The following TPD52L1 variants were observed in gnomAD, a reference collection of about 807,000 sequenced individuals.
TPD52L1 encodes the protein TPD52 like 1, also known as tumor protein D53.
A neutral mutation model predicts 28.7 loss-of-function variants in TPD52L1; 18 were observed. The observed-to-expected ratio is 0.63, with a 90% CI of 0.43 to 0.93. The LOEUF is 0.93. TPD52L1 is among the 40% of genes least tolerant of loss of function. The pLI, the probability that TPD52L1 is intolerant of heterozygous loss-of-function variation, is 0.00. For synonymous variants in TPD52L1, 75 were observed against 88.8 expected (o/e 0.84, Z 0.88); for missense variants, 203 against 254.8 (o/e 0.80, Z 1.39).
chr6:125,258,274 T>C (rs777027978), intron 6 of TPD52L1, among the ~76,000 whole-genome samples: 2 of 152,194 alleles, frequency 1.3e-5, no homozygotes, highest in Non-Finnish European at 2.9e-5. Flanking sequence ...TCAGTTTCAT[T>C]CACCAGAAGT....
Position 125,199,796 on chromosome 6 carries a change from T to C in TPD52L1, c.20-20282T>C, listed in dbSNP as rs151061315. Among the ~76,000 whole-genome samples the C allele has an allele frequency of 3.3e-3, 503 of 152,336 alleles. 3 individuals are homozygous for C. The highest frequency in any genetic ancestry group is 0.012 in the African/African-American group (481 of 41,590). ...ATAGCACAAATTATAGGAAATAAGATAGTGAAAAATTAAAAATTACTTAGG... is the reference window on the plus strand; with the variant it reads ...ATAGCACAAATTATAGGAAATAAGACAGTGAAAAATTAAAAATTACTTAGG... On this transcript the variant is annotated intron_variant, in intron 1 of 6. Coordinates refer to ENST00000534000, the MANE Select transcript of TPD52L1 (RefSeq NM_003287.4).
intron 1 of TPD52L1, among the ~76,000 whole-genome samples, chr6:125,158,215 T>C (rs1417579366): frequency 1.3e-5 from 2 of 152,212 alleles, no homozygotes; most frequent in Non-Finnish European, 2.9e-5. Context: ...AATTAGGATA[T>C]ATTTAGGGGC....
At chr6:125,196,939 A>G (rs769666002) in intron 1 of TPD52L1, among the ~76,000 whole-genome samples, 6 of 152,230 alleles carry the variant, frequency 3.9e-5, no homozygotes, top group Non-Finnish European at 7.3e-5. Flanking sequence ...AGAAAAAGAA[A>G]ATAAAAGAAA....
At chr6:125,226,041 G>GTTC (rs1314519374) in intron 2 of TPD52L1, among the ~76,000 whole-genome samples, 2 of 152,158 alleles carry the variant, frequency 1.3e-5, no homozygotes, top group African/African-American at 4.8e-5. Context: ...AGGACTCTTG[G>GTTC]TTCTGTACAA....
At chr6:125,174,121 G>A (rs1791679487) in intron 1 of TPD52L1, among the ~76,000 whole-genome samples, 2 of 152,198 alleles carry the variant, frequency 1.3e-5, no homozygotes, top group Admixed American at 1.3e-4. Flanking sequence ...GCATGATGCA[G>A]ATGAATTGCT....
In TPD52L1 at chr6:125,260,848, AAGTG is replaced by A. The variant is rs570487987; in HGVS notation, c.487-1983_487-1980del. On this transcript the variant is annotated intron_variant, in intron 6 of 6. Coordinates refer to ENST00000534000, the MANE Select transcript of TPD52L1 (RefSeq NM_003287.4). ...AGAAAGGAAGAAAGGAAGAGAAAGA[AAGTG>A]AGAGAGAGAAAGAAAGAAAAGAAAG... 2.6e-3 allele frequency among the ~76,000 whole-genome samples: 399 copies of A among 150,696 alleles called. 4 individuals carry two copies. The highest frequency in any genetic ancestry group is 4.5e-3 in the Non-Finnish European group (302 of 67,612).
intron 1 of TPD52L1, among the ~76,000 whole-genome samples, chr6:125,172,542 A>ACACAC (rs1385683074): frequency 2.1e-5 from 2 of 93,670 alleles, no homozygotes; most frequent in East Asian, 1.0e-3. Flanking sequence ...ATATATATAT[A>ACACAC]TATATATATA....
At position 125,172,525 on chromosome 6, in the gene TPD52L1, TA is replaced by T. The variant is rs369604636; in HGVS notation, c.19+18556del. On this transcript the variant is annotated intron_variant, in intron 1 of 6. Transcript: ENST00000534000. ...CCCTCTTTCATGCTATATATATATA[TA>T]TATATATATATATATATATATATAT... is the stretch of plus-strand genomic sequence containing the variant. 2.1e-3 allele frequency among the ~76,000 whole-genome samples: 150 copies of T among 71,112 alleles called. 5 individuals carry two copies. The highest frequency in any genetic ancestry group is 7.9e-3 in the African/African-American group (104 of 13,096). The allele number at this position is 71,112 out of a possible 152,430, so 46.7% of individuals were successfully genotyped here.
At chr6:125,260,966 AAG>A (rs1491276493) in intron 6 of TPD52L1, 3 of 43,138 alleles carry the variant, frequency 7.0e-5, no homozygotes, top group African/African-American at 4.5e-4. Context: ...GAAAGAAAGA[AAG>A]AAAGAAAGAA....
intron 1 of TPD52L1, among the ~76,000 whole-genome samples, chr6:125,218,999 GA>G (rs1268903142): frequency 6.6e-6 from 1 of 152,184 alleles, no homozygotes; most frequent in East Asian, 1.9e-4. Flanking sequence ...AAAAAGAAAG[GA>G]CAGACTCCTA....
intron 1 of TPD52L1, chr6:125,208,928 G>T: frequency 1.0e-6 from 1 of 985,392 alleles, no homozygotes; most frequent in African/African-American, 1.7e-5. Context: ...CAGGCCCAAG[G>T]TGTAGCTCAA....
chr6:125,193,769 A>G (rs1177331135), intron 1 of TPD52L1, among the ~76,000 whole-genome samples: 1 of 152,160 alleles, frequency 6.6e-6, no homozygotes, highest in African/African-American at 2.4e-5. Flanking sequence ...TTCCAGCATC[A>G]GTGTTGGTAA....
Position 125,262,845 on chromosome 6 carries a change from C to T in TPD52L1, c.498C>T (p.Gly166=), listed in dbSNP as rs150120709. ...TCTGCTCATTTCAGACGAAAGTAGGCGGTACGAACCCTAATGGAGGCAGTT... is the reference window on the plus strand; with the variant it reads ...TCTGCTCATTTCAGACGAAAGTAGGTGGTACGAACCCTAATGGAGGCAGTT... ...TTVTSLKTKV[G]GTNPNGGSFE... is the part of the protein sequence containing the mutation. Residue 166 remains glycine (G), a synonymous_variant, in exon 7 of 7, where the codon GGC becomes GGT. Transcript: ENST00000534000. 63 of 1,612,684 alleles carry T rather than the reference C, an allele frequency of 3.9e-5. No individual in the cohort carries two copies. The African/African-American group carries it at 5.7e-4, about 15-fold the overall frequency.
chr6:125,179,296 A>G (rs1201676317), intron 1 of TPD52L1, among the ~76,000 whole-genome samples: 1 of 152,256 alleles, frequency 6.6e-6, no homozygotes, highest in African/African-American at 2.4e-5. Flanking sequence ...GCAGAACACA[A>G]TGGGTTTACC....
chr6:125,173,883 A>G (rs1791656342), intron 1 of TPD52L1, among the ~76,000 whole-genome samples: 1 of 152,196 alleles, frequency 6.6e-6, no homozygotes, highest in Non-Finnish European at 1.5e-5. Flanking sequence ...GTCATACAGA[A>G]GGAAGTCAGG....
chr6:125,178,793 C>G (rs544604087), intron 1 of TPD52L1, among the ~76,000 whole-genome samples: 6 of 152,172 alleles, frequency 3.9e-5, no homozygotes, highest in African/African-American at 1.4e-4. Context: ...TGCACAAAGA[C>G]CTTATTAATT....
chr6:125,188,237 C>G (rs976175783), intron 1 of TPD52L1, among the ~76,000 whole-genome samples: 6 of 152,242 alleles, frequency 3.9e-5, no homozygotes, highest in Admixed American at 3.9e-4. Flanking sequence ...AAGATATCCA[C>G]GTCATCAGCT....
chr6:125,218,326 ATCAGTGAAGTCAAGCATGTTTGCT>A (rs1795014720), intron 1 of TPD52L1, among the ~76,000 whole-genome samples: 1 of 152,244 alleles, frequency 6.6e-6, no homozygotes, highest in South Asian at 2.1e-4. Context: ...TTCCCTGAGC[ATCAGTGAAGTCAAGCATGTTTGCT>A]TCAGTGAAGT....
At chr6:125,160,488 G>T (rs933299822) in intron 1 of TPD52L1, among the ~76,000 whole-genome samples, 6 of 152,128 alleles carry the variant, frequency 3.9e-5, no homozygotes, top group African/African-American at 1.4e-4. Flanking sequence ...GCCTCACAAA[G>T]TGTTGGGATT....
Sources: gnomAD v4.1 joint callset for allele counts (sites outside exome capture counted in the v4.1 genomes callset) on GRCh38, gnomAD v4.1.1 for gene constraint, MANE v1.5 for transcripts, NCBI Gene and HGNC (gene_info 2026-07-23, HGNC 2026-07-21) for gene names.